PRKAR2A: variants seen among roughly 807,000 people sequenced by gnomAD.
PRKAR2A encodes cAMP-dependent protein kinase type II-alpha regulatory subunit.
PRKAR2A carries 29 observed loss-of-function variants against 51.9 expected under a neutral mutation model. That is an observed-to-expected ratio of 0.56 (90% confidence interval 0.42 to 0.76). PRKAR2A has a LOEUF of 0.76. Ranked by LOEUF, PRKAR2A falls within the 30% of genes least tolerant of loss-of-function variation. PRKAR2A has a pLI of 0.00. For synonymous variants in PRKAR2A, 178 were observed against 186.2 expected (o/e 0.96, Z 0.36); for missense variants, 445 against 512.1 (o/e 0.87, Z 1.26).
chr3:48,800,498 C>G (rs1393096123), intron 2 of PRKAR2A, among the ~76,000 whole-genome samples: 1 of 147,746 alleles, frequency 6.8e-6, no homozygotes, highest in East Asian at 2.0e-4. Flanking sequence ...AGTAACAGAG[C>G]GAGACTCCGT....
chr3:48,845,939 C>G (rs1191917355), intron 1 of PRKAR2A, among the ~76,000 whole-genome samples: 1 of 151,248 alleles, frequency 6.6e-6, no homozygotes, highest in African/African-American at 2.4e-5. Flanking sequence ...GAGCGAGATC[C>G]TGACTTTAAA....
intron 1 of PRKAR2A, among the ~76,000 whole-genome samples, chr3:48,843,664 C>A (rs1476702322): frequency 6.6e-6 from 1 of 152,020 alleles, no homozygotes; most frequent in African/African-American, 2.4e-5. Context: ...CAGAACAGAG[C>A]CCTCAGAAAT....
At chr3:48,773,339 C>CT (rs34140561) in intron 5 of PRKAR2A, among the ~76,000 whole-genome samples, 4,159 of 87,616 alleles carry the variant, frequency 0.047, 459 homozygotes, top group African/African-American at 0.16. Context: ...ATTTTCTTTT[C>CT]TTTTTTTTTT....
intron 1 of PRKAR2A, among the ~76,000 whole-genome samples, chr3:48,845,945 T>C (rs2083454271): frequency 6.6e-6 from 1 of 150,878 alleles, no homozygotes; most frequent in Middle Eastern, 3.2e-3. Flanking sequence ...GATCCTGACT[T>C]TAAAAAAAAA....
At chr3:48,764,274 GT>G (rs1298292548) in intron 8 of PRKAR2A, among the ~76,000 whole-genome samples, 4 of 152,166 alleles carry the variant, frequency 2.6e-5, no homozygotes, top group Admixed American at 1.3e-4. Context: ...CTAGCCCACT[GT>G]TTAGTAATCT....
chr3:48,751,325 A>G lies in PRKAR2A; in HGVS notation c.*260T>C, dbSNP rs1161441853. 6.4e-6 allele frequency: 4 copies of G among 623,380 alleles called. No homozygotes were observed. In the East Asian group the frequency reaches 1.0e-4, roughly 16 times the overall value. 38.6% of individuals were successfully genotyped at this position (623,380 alleles called of 1,614,324 possible). ...TGGAGAGACATGCCGTTTTGAACCA[A>G]AGATATAAAAACTGGGTTGGAGTAA... is the stretch of plus-strand genomic sequence containing the variant. On this transcript the variant is annotated 3_prime_UTR_variant, in exon 11 of 11. Transcript: ENST00000265563.
At chr3:48,763,142 C>T (rs2081888456) in intron 8 of PRKAR2A, among the ~76,000 whole-genome samples, 1 of 152,082 alleles carries the variant, frequency 6.6e-6, no homozygotes, top group African/African-American at 2.4e-5. Flanking sequence ...ACAAATGAAA[C>T]AACATAAAAT....
intron 9 of PRKAR2A, among the ~76,000 whole-genome samples, chr3:48,754,738 A>C (rs532330362): frequency 1.3e-5 from 2 of 151,748 alleles, no homozygotes; most frequent in African/African-American, 4.8e-5. Flanking sequence ...ACGCCACTGC[A>C]CTCCAGCCTG....
intron 4 of PRKAR2A, 42 bp from the exon 5 acceptor site, chr3:48,783,134 T>C (rs1413192043): frequency 1.5e-6 from 2 of 1,328,474 alleles, no homozygotes; most frequent in East Asian, 2.3e-5. Flanking sequence ...CCTTTACATA[T>C]GCTGAAAAAA....
rs867564918 is a variant in PRKAR2A at position 48,847,854 on chromosome 3, C to G, written c.-258G>C. On this transcript the variant is annotated 5_prime_UTR_variant, in exon 1 of 11. Coordinates refer to ENST00000265563, the MANE Select transcript of PRKAR2A (RefSeq NM_004157.4). The surrounding 1 kb of genome is among the most constrained non-coding windows in gnomAD (Gnocchi z 4.4). Reference sequence around the variant, plus strand: ...CCGACGGGCAGGCGAGCTGGACGGGCGGGGCAGGCGTCCTGGTTGTGACGC... The same window carrying G: ...CCGACGGGCAGGCGAGCTGGACGGGGGGGGCAGGCGTCCTGGTTGTGACGC... The G allele has an allele frequency of 3.0e-6, 1 of 337,328 alleles. No homozygotes were observed. Among genetic ancestry groups the G allele is most frequent in the Non-Finnish European group, 5.3e-6 (1 of 188,642 alleles). 20.9% of individuals were successfully genotyped at this position (337,328 alleles called of 1,614,324 possible).
At chr3:48,760,152 G>C (rs971118634) in intron 8 of PRKAR2A, among the ~76,000 whole-genome samples, 1 of 152,094 alleles carries the variant, frequency 6.6e-6, no homozygotes, top group South Asian at 2.1e-4. Context: ...TCAGAAGCTT[G>C]AGACCAGCAT....
chr3:48,783,634 G>C (rs1027862058), intron 4 of PRKAR2A, among the ~76,000 whole-genome samples: 1 of 152,156 alleles, frequency 6.6e-6, no homozygotes, highest in African/African-American at 2.4e-5. Context: ...AGGCTGGAGT[G>C]CAGTGGTGTG....
chr3:48,797,946 C>T (rs1026825577), intron 2 of PRKAR2A, among the ~76,000 whole-genome samples: 2 of 152,032 alleles, frequency 1.3e-5, no homozygotes, highest in Non-Finnish European at 2.9e-5. Flanking sequence ...AGTTCCTAGA[C>T]ATTTCTTTTT....
At chr3:48,834,143 T>TC (rs1208526715) in intron 1 of PRKAR2A, among the ~76,000 whole-genome samples, 5 of 151,864 alleles carry the variant, frequency 3.3e-5, no homozygotes, top group Non-Finnish European at 7.4e-5. Context: ...TTTACTGCCG[T>TC]CCAGCAGTAA....
chr3:48,837,976 A>G (rs1272095715), intron 1 of PRKAR2A, among the ~76,000 whole-genome samples: 1 of 151,718 alleles, frequency 6.6e-6, no homozygotes, highest in African/African-American at 2.4e-5. Flanking sequence ...CAGGAGATCG[A>G]GACCATCCTG....
At position 48,836,224 on chromosome 3, in the gene PRKAR2A, C is replaced by G. The variant is rs148291057; in HGVS notation, c.262+11111G>C. Among the ~76,000 whole-genome samples the G allele has an allele frequency of 6.9e-3, 1,045 of 151,148 alleles. 15 individuals carry two copies. Among genetic ancestry groups the G allele is most frequent in the African/African-American group, 0.024 (977 of 41,150 alleles). On this transcript the variant is annotated intron_variant, in intron 1 of 10. Transcript: ENST00000265563. ...CACGAGGTCAGGAGTTCAAGACCAG[C>G]CTGACCAACATAGTGAAACCCCGTC...
At chr3:48,761,662 A>C (rs1008020533) in intron 8 of PRKAR2A, among the ~76,000 whole-genome samples, 1 of 152,182 alleles carries the variant, frequency 6.6e-6, no homozygotes, top group African/African-American at 2.4e-5. Context: ...CCCAGGCTAG[A>C]ATGCAAGTGG....
chr3:48,763,436 CTGACA>C (rs2081892027), intron 8 of PRKAR2A, among the ~76,000 whole-genome samples: 1 of 152,166 alleles, frequency 6.6e-6, no homozygotes, highest in Non-Finnish European at 1.5e-5. Context: ...CTCACATCTC[CTGACA>C]TACTTCCTGA....
rs149044789 is a variant in PRKAR2A, at chr3:48,768,356, G to C, written c.697-3007C>G. ...AGATAGATAGATATAGACAGACAGA[G>C]AGACAGACAGACAGACACACACACA... On this transcript the variant is annotated intron_variant, in intron 6 of 10. Coordinates refer to ENST00000265563, the MANE Select transcript of PRKAR2A (RefSeq NM_004157.4). Among the ~76,000 whole-genome samples the C allele has an allele frequency of 7.3e-3, 1,099 of 149,884 alleles. 17 individuals are homozygous for C. The highest frequency in any genetic ancestry group is 0.044 in the South Asian group (207 of 4,722).
Sources: allele counts gnomAD v4.1 joint callset (sites outside exome capture counted in the v4.1 genomes callset), GRCh38; gene constraint gnomAD v4.1.1; non-coding constraint Gnocchi (gnomAD v3.1); transcripts MANE v1.5; gene names NCBI Gene and HGNC (gene_info 2026-07-23, HGNC 2026-07-21).